ZNF236: variants seen among roughly 807,000 people sequenced by gnomAD.
ZNF236 encodes regulated by glucose.
ZNF236 carries 50 observed loss-of-function variants against 191.2 expected under a neutral mutation model. The observed-to-expected ratio is 0.26, with a 90% CI of 0.21 to 0.33. The LOEUF (loss-of-function observed/expected upper bound fraction) is 0.33, where lower values mean the gene tolerates loss of function less well. Ranked by LOEUF, ZNF236 falls within the 10% of genes least tolerant of loss-of-function variation. ZNF236 has a pLI of 1.00. For synonymous variants in ZNF236, 907 were observed against 928.8 expected (o/e 0.98, Z 0.43); for missense variants, 1,754 against 2,374.5 (o/e 0.74, Z 5.43).
rs926946686 is a variant in ZNF236 at position 76,969,476 on chromosome 18, A to G, written c.*1137A>G. The G allele has an allele frequency of 1.4e-4, 21 of 152,584 alleles. No individual in the cohort carries two copies. Among genetic ancestry groups the G allele is most frequent in the Non-Finnish European group, 2.9e-4 (20 of 68,042 alleles). 9.5% of individuals were successfully genotyped at this position (152,584 alleles called of 1,614,324 possible). On this transcript the variant is annotated 3_prime_UTR_variant, in exon 31 of 31. Coordinates refer to ENST00000320610, the MANE Select transcript of ZNF236 (RefSeq NM_001306089.2). ...TATATGGGCCTCTGTGTGGCTGAAC[A>G]GTATATTTTGTAAATATAAGTACTA...
intron 26 of ZNF236, among the ~76,000 whole-genome samples, chr18:76,942,878 C>T (rs1425540542): frequency 6.7e-6 from 1 of 149,162 alleles, no homozygotes; most frequent in Non-Finnish European, 1.5e-5. Context: ...AAACCTAGGA[C>T]TTTGGGAGGC....
At chr18:76,883,255 A>G (rs1976949916) in intron 9 of ZNF236, among the ~76,000 whole-genome samples, 1 of 151,982 alleles carries the variant, frequency 6.6e-6, no homozygotes, top group Admixed American at 6.6e-5. Flanking sequence ...TACTTTCTGG[A>G]CTACTTGAAT....
chr18:76,942,714 C>T (rs1480462747), intron 26 of ZNF236, among the ~76,000 whole-genome samples: 5 of 149,048 alleles, frequency 3.4e-5, no homozygotes, highest in African/African-American at 1.2e-4. Context: ...CGGGGTTTCA[C>T]CATGTCAGCC....
intron 1 of ZNF236, among the ~76,000 whole-genome samples, chr18:76,845,627 G>A (rs1474224084): frequency 6.6e-6 from 1 of 152,088 alleles, no homozygotes; most frequent in African/African-American, 2.4e-5. Flanking sequence ...GAGATGGGTG[G>A]ATCACGAGGT....
intron 5 of ZNF236, among the ~76,000 whole-genome samples, chr18:76,874,277 A>T (rs1271208275): frequency 6.6e-6 from 1 of 152,160 alleles, no homozygotes; most frequent in Non-Finnish European, 1.5e-5. Flanking sequence ...TTAACCCTAA[A>T]GCTGTTCAGA....
intron 30 of ZNF236, among the ~76,000 whole-genome samples, chr18:76,961,470 T>A (rs1386036010): frequency 6.6e-6 from 1 of 152,042 alleles, no homozygotes; most frequent in Admixed American, 6.5e-5. Flanking sequence ...TTTGGTTTGG[T>A]TCCCTGTTTT....
intron 3 of ZNF236, among the ~76,000 whole-genome samples, chr18:76,854,478 C>T (rs1315958189): frequency 5.3e-5 from 8 of 151,348 alleles, no homozygotes; most frequent in South Asian, 4.2e-4. Flanking sequence ...TCTGCAGTAT[C>T]TCGGGTGGGT....
intron 2 of ZNF236, among the ~76,000 whole-genome samples, chr18:76,850,188 A>G (rs2122507504): frequency 1.3e-5 from 2 of 152,316 alleles, no homozygotes; most frequent in African/African-American, 4.8e-5. Flanking sequence ...GATTTTCCTG[A>G]TAGATGGAAA....
At chr18:76,823,620 A>T (rs904863232) in intron 1 of ZNF236, among the ~76,000 whole-genome samples, 2 of 152,146 alleles carry the variant, frequency 1.3e-5, no homozygotes, top group African/African-American at 4.8e-5. Flanking sequence ...AATAACTCAG[A>T]TTTTGTTTTC....
At chr18:76,898,265 C>T (rs1005838923) in intron 10 of ZNF236, 1 of 152,094 alleles carries the variant, frequency 6.6e-6, no homozygotes, top group African/African-American at 2.4e-5. Flanking sequence ...TTAATGTGTA[C>T]ACTTCTGAAT....
At chr18:76,961,407 A>G (rs1256796612) in intron 30 of ZNF236, among the ~76,000 whole-genome samples, 4 of 139,512 alleles carry the variant, frequency 2.9e-5, no homozygotes, top group South Asian at 4.6e-4. Flanking sequence ...GTGTGTGTGT[A>G]TTTATGTATA....
chr18:76,910,532 T>C (rs1967189777), intron 15 of ZNF236, 128 bp from the exon 16 acceptor site: 3 of 910,694 alleles, frequency 3.3e-6, no homozygotes, highest in South Asian at 1.8e-5. Context: ...TAATAGCAGC[T>C]AGTCCTAATT....
chr18:76,834,893 G>A (rs1975276226), intron 1 of ZNF236: 3 of 297,204 alleles, frequency 1.0e-5, no homozygotes, highest in South Asian at 9.9e-5. Flanking sequence ...CTTCATTTGG[G>A]CTGCTCCCGC....
intron 14 of ZNF236, among the ~76,000 whole-genome samples, chr18:76,909,112 A>G (rs1967145606): frequency 1.3e-5 from 2 of 151,804 alleles, no homozygotes; most frequent in East Asian, 1.9e-4. Flanking sequence ...GAGGTCAGCA[A>G]TTCAAGACCA....
chr18:76,959,684 C>T lies in ZNF236; in HGVS notation c.5113-3C>T. 6.2e-7 allele frequency: 1 copy of T among 1,604,822 alleles called. No individual in the cohort carries two copies. Among genetic ancestry groups the T allele is most frequent in the Non-Finnish European group, 8.5e-7 (1 of 1,175,072 alleles). ...TTCTTGGTTTCTGTGTGTTGTCTCC[C>T]AGGAGCACATGCAGACACACCAGGC... is the stretch of plus-strand genomic sequence containing the variant. On this transcript the variant is annotated splice_polypyrimidine_tract_variant and splice_region_variant and intron_variant, in intron 28 of 30. Transcript: ENST00000320610.
rs470683 is a variant in ZNF236 at position 76,969,236 on chromosome 18, G to A, written c.*897G>A. ...GTAAAAACCCCATGACTTTCTCTTC[G>A]TGCATAAACAGATGTATTTTTGATT... On this transcript the variant is annotated 3_prime_UTR_variant, in exon 31 of 31. Transcript: ENST00000320610. The A allele has an allele frequency of 0.17, 26,086 of 152,776 alleles. 2,427 individuals carry two copies. Among genetic ancestry groups the A allele is most frequent in the East Asian group, 0.37 (1,909 of 5,188 alleles). The allele number at this position is 152,776 out of a possible 1,614,324, so 9.5% of individuals were successfully genotyped here. A position where few individuals can be genotyped will look rare whatever the true frequency, so the allele number is the denominator to read the frequency against.
Position 76,851,769 on chromosome 18 carries a change from A to C in ZNF236, c.199-6A>C, listed in dbSNP as rs752274066. The C allele has an allele frequency of 1.0e-5, 16 of 1,604,666 alleles. No homozygotes were observed. Among genetic ancestry groups the C allele is most frequent in the African/African-American group, 1.3e-5 (1 of 74,566 alleles). On this transcript the variant is annotated splice_polypyrimidine_tract_variant and splice_region_variant and intron_variant, in intron 2 of 30. Coordinates refer to ENST00000320610, the MANE Select transcript of ZNF236 (RefSeq NM_001306089.2). Reference sequence around the variant, plus strand: ...CAGTGGCTTCTTCACTTTTCTCTCCAAATAGCCACATCGATGTGACCAGTG... The same window carrying C: ...CAGTGGCTTCTTCACTTTTCTCTCCCAATAGCCACATCGATGTGACCAGTG...
In ZNF236 at chr18:76,968,268, C is replaced by T. The variant is rs201773442; in HGVS notation, c.5473C>T (p.Arg1825Trp). Reference protein sequence around the residue: ...HPEQDGEELSRTLHLEEVVQE... With the variant: ...HPEQDGEELSWTLHLEEVVQE... ...GGAGCAGGACGGGGAGGAGCTGAGCCGGACCCTCCACCTGGAGGAGGTGGT... is the reference window on the plus strand; with the variant it reads ...GGAGCAGGACGGGGAGGAGCTGAGCTGGACCCTCCACCTGGAGGAGGTGGT... Residue 1825 changes from arginine to tryptophan, a missense_variant, in exon 31 of 31, where the codon CGG (arginine) becomes TGG (tryptophan). Around this residue, in one of 5 missense-constraint regions of ZNF236, gnomAD observed 606 missense variants for 761.5 expected, o/e 0.80. Coordinates refer to ENST00000320610, the MANE Select transcript of ZNF236 (RefSeq NM_001306089.2). 3 of 1,611,882 alleles carry T rather than the reference C, an allele frequency of 1.9e-6. No individual in the cohort carries two copies. The South Asian group carries it at 3.3e-5, about 18-fold the overall frequency.
At chr18:76,955,262 G>T (rs1374486725) in intron 27 of ZNF236, among the ~76,000 whole-genome samples, 1 of 151,996 alleles carries the variant, frequency 6.6e-6, no homozygotes, top group Non-Finnish European at 1.5e-5. Flanking sequence ...AAAAAAGTTA[G>T]CTGGGCATGA....
Sources: allele counts gnomAD v4.1 joint callset (sites outside exome capture counted in the v4.1 genomes callset), GRCh38; gene constraint gnomAD v4.1.1; regional missense constraint gnomAD v4.1.1; transcripts MANE v1.5; gene names NCBI Gene and HGNC (gene_info 2026-07-23, HGNC 2026-07-21).